ZNF195: variants seen among roughly 807,000 people sequenced by gnomAD.
The protein encoded by ZNF195 is zinc finger protein 195.
In ZNF195, 11 loss-of-function variants were observed where a neutral mutation model predicts 19.5. The ratio of observed to expected loss-of-function variants is 0.57; its 90% CI spans 0.36 to 0.94. The LOEUF (loss-of-function observed/expected upper bound fraction) is 0.94. Ranked by LOEUF, ZNF195 falls within the 40% of genes least tolerant of loss-of-function variation. ZNF195 has a pLI of 0.01. For synonymous variants in ZNF195, 214 were observed against 248.1 expected (o/e 0.86, Z 1.29); for missense variants, 582 against 709.0 (o/e 0.82, Z 2.03).
At position 3,360,308 on chromosome 11, in the gene ZNF195, G is replaced by A. The variant is rs184660103; in HGVS notation, c.700C>T (p.Arg234Cys). ...TTCTCTCCAGTATTACTTATATTAC[G>A]TCTATGTAAATTTGAAAAGTTATCA... ...IFDNFSNLHR[R>C]NISNTGEKPF... Residue 234 changes from arginine (R) to cysteine (C), a missense_variant, in exon 6 of 6, where the codon CGT (arginine) becomes TGT (cysteine). By Grantham distance (180) the Arg-to-Cys change is radical. This residue lies in a region of ZNF195 where 407 missense variants were observed against 530.5 expected (regional missense o/e 0.77). Coordinates refer to ENST00000399602, the MANE Select transcript of ZNF195 (RefSeq NM_001130520.3). 303 of 1,604,904 alleles carry A rather than the reference G, an allele frequency of 1.9e-4. No homozygotes were observed. The highest frequency in any genetic ancestry group is 2.4e-4 in the Non-Finnish European group (284 of 1,173,894).
At chr11:3,365,925 C>G (rs898187879) in intron 3 of ZNF195, among the ~76,000 whole-genome samples, 1 of 152,128 alleles carries the variant, frequency 6.6e-6, no homozygotes, top group African/African-American at 2.4e-5. Flanking sequence ...GGTATCTTTT[C>G]CTTGCACCAT....
rs1214495481 is a variant in ZNF195 at position 3,359,628 on chromosome 11, G to A, written c.1380C>T (p.His460=). 1 of 1,613,912 alleles carries A rather than the reference G, an allele frequency of 6.2e-7. No individual in the cohort carries two copies. The highest frequency in any genetic ancestry group is 2.2e-5 in the East Asian group (1 of 44,844). The change falls in exon 6 of 6, where the codon CAC becomes CAT. Residue 460 remains histidine (H), a synonymous_variant. Transcript: ENST00000399602. This position sits in a 1 kb window ranked among gnomAD's most constrained non-coding sequence, Gnocchi z 5.5. ...SSHLSEHRRI[H]TGEKPYQCEE... ...CACATTGGTAGGGTTTCTCTCCGGTGTGAATCCTCCTGTGTTCACTGAGGT... is the reference window on the plus strand; with the variant it reads ...CACATTGGTAGGGTTTCTCTCCGGTATGAATCCTCCTGTGTTCACTGAGGT...
chr11:3,364,245 G>C (rs889916494), intron 3 of ZNF195, among the ~76,000 whole-genome samples: 18 of 152,120 alleles, frequency 1.2e-4, no homozygotes, highest in Non-Finnish European at 1.5e-4. Flanking sequence ...AGGGTTGCTT[G>C]AGGTCAGGAG....
intron 3 of ZNF195, chr11:3,362,581 A>G: frequency 1.7e-6 from 1 of 601,084 alleles, no homozygotes. Context: ...TATAATTTCC[A>G]TGGTAACCAC....
chr11:3,374,207 T>C (rs1849348524), intron 1 of ZNF195, among the ~76,000 whole-genome samples: 1 of 152,218 alleles, frequency 6.6e-6, no homozygotes, highest in Non-Finnish European at 1.5e-5. Context: ...ATGAATCTTT[T>C]GGTAATTTTG....
At chr11:3,373,474 A>G (rs1849311687) in intron 1 of ZNF195, 3 of 903,442 alleles carry the variant, frequency 3.3e-6, no homozygotes, top group East Asian at 5.3e-5. Context: ...CAAACTTACT[A>G]TGGAGAAACA....
rs913310441 is a variant in ZNF195, at chr11:3,358,991, T to C, written c.*127A>G. The stretch of plus-strand genomic sequence containing the variant: ...CTCTTGTGTGCTCTGGAGACTTATA[T>C]TTCATGAAAGGTCTTTCAATAGTAA... On this transcript the variant is annotated 3_prime_UTR_variant, in exon 6 of 6. Coordinates refer to ENST00000399602, the MANE Select transcript of ZNF195 (RefSeq NM_001130520.3). 111 of 1,220,922 alleles carry C rather than the reference T, an allele frequency of 9.1e-5. No homozygotes were observed. Among genetic ancestry groups the C allele is most frequent in the Non-Finnish European group, 1.1e-4 (107 of 940,106 alleles). The allele number at this position is 1,220,922 out of a possible 1,614,324, so 75.6% of individuals were successfully genotyped here.
intron 3 of ZNF195, among the ~76,000 whole-genome samples, chr11:3,365,362 G>A (rs1848826001): frequency 6.6e-6 from 1 of 152,194 alleles, no homozygotes; most frequent in African/African-American, 2.4e-5. Context: ...AATACACATA[G>A]TGCATTGTGT....
chr11:3,378,891 G>A (rs1849608199), intron 1 of ZNF195, 147 bp downstream of exon 1: 6 of 1,043,480 alleles, frequency 5.7e-6, no homozygotes, highest in African/African-American at 1.7e-5. Flanking sequence ...CGGGGCGCGC[G>A]GGGCCCGGCC....
Position 3,379,095 on chromosome 11 carries a change from G to T in ZNF195, c.-55C>A. 6.8e-7 allele frequency: 1 copy of T among 1,478,492 alleles called. No individual in the cohort carries two copies. The highest frequency in any genetic ancestry group is 1.4e-5 in the African/African-American group (1 of 70,306). 91.6% of individuals were successfully genotyped at this position (1,478,492 alleles called of 1,614,324 possible). A position where few individuals can be genotyped will look rare whatever the true frequency, so the allele number is the denominator to read the frequency against. On this transcript the variant is annotated 5_prime_UTR_variant, in exon 1 of 6. Transcript: ENST00000399602. Reference sequence around the variant, plus strand: ...ACTTCTGGATCTCCCGGTGCCTGCGGGTCACACGACCTACGGCTAGCAGGG... The same window carrying T: ...ACTTCTGGATCTCCCGGTGCCTGCGTGTCACACGACCTACGGCTAGCAGGG...
At position 3,358,849 on chromosome 11, in the gene ZNF195, A is replaced by G. The variant is rs1412034257; in HGVS notation, c.*269T>C. 5.5e-6 allele frequency: 2 copies of G among 364,366 alleles called. No individual in the cohort carries two copies. The highest frequency in any genetic ancestry group is 4.2e-5 in the African/African-American group (2 of 47,648). The allele number at this position is 364,366 out of a possible 1,614,324, so 22.6% of individuals were successfully genotyped here. The stretch of plus-strand genomic sequence containing the variant: ...TTTTCTAAGCTATCATTTTTGAACA[A>G]ATGTTATTCCACATTTATGAGATTT... On this transcript the variant is annotated 3_prime_UTR_variant, in exon 6 of 6. Coordinates refer to ENST00000399602, the MANE Select transcript of ZNF195 (RefSeq NM_001130520.3).
At chr11:3,366,778 G>A (rs546691631) in intron 3 of ZNF195, 6 of 304,050 alleles carry the variant, frequency 2.0e-5, no homozygotes, top group African/African-American at 1.3e-4. Context: ...GCATAGGCCG[G>A]GCACACTGGT....
chr11:3,359,415 A>G lies in ZNF195; in HGVS notation c.1593T>C (p.Phe531=), dbSNP rs753910816. ...PYKCDECGKN[F]TQSSNLIVHK... ...GTACAATAAGGTTGGAGGACTGGGT[A>G]AAGTTTTTTCCACATTCGTCACATT... The change falls in exon 6 of 6, where the codon TTT becomes TTC. Residue 531 remains phenylalanine (F), a synonymous_variant. Transcript: ENST00000399602. This position sits in a 1 kb window ranked among gnomAD's most constrained non-coding sequence, Gnocchi z 5.5. 1.9e-6 allele frequency: 3 copies of G among 1,614,172 alleles called. No homozygotes were observed. Among genetic ancestry groups the G allele is most frequent in the Admixed American group, 1.7e-5 (1 of 60,030 alleles).
At position 3,359,794 on chromosome 11, in the gene ZNF195, A is replaced by G. The variant is rs746025928; in HGVS notation, c.1214T>C (p.Ile405Thr). 4.3e-6 allele frequency: 7 copies of G among 1,613,854 alleles called. No homozygotes were observed. The highest frequency in any genetic ancestry group is 1.1e-5 in the South Asian group (1 of 91,074). ...PNPSKHQRNE[I>T]GGKPFKCEEC... ...CTCACATTTGAAAGGTTTCCCTCCA[A>G]TCTCATTTCTCTGGTGTTTGGAAGG... The change falls in exon 6 of 6, where the codon ATT becomes ACT. Residue 405 changes from isoleucine to threonine, a missense_variant. Coordinates refer to ENST00000399602, the MANE Select transcript of ZNF195 (RefSeq NM_001130520.3). The surrounding 1 kb of genome is among the most constrained non-coding windows in gnomAD (Gnocchi z 5.5).
Position 3,359,629 on chromosome 11 carries a change from TG to T in ZNF195, c.1378del (p.His460ThrfsTer162). 1 of 1,614,140 alleles carries T rather than the reference TG, an allele frequency of 6.2e-7. No individual in the cohort carries two copies. Among genetic ancestry groups the T allele is most frequent in the Non-Finnish European group, 8.5e-7 (1 of 1,180,024 alleles). The stretch of plus-strand genomic sequence containing the variant: ...ACATTGGTAGGGTTTCTCTCCGGTG[TG>T]AATCCTCCTGTGTTCACTGAGGTGT... The part of the protein sequence containing the change: ...SSHLSEHRRI[H>X]TGEKPYQCEE... On this transcript the variant is annotated frameshift_variant, in exon 6 of 6. Coordinates refer to ENST00000399602, the MANE Select transcript of ZNF195 (RefSeq NM_001130520.3). LOFTEE classifies it low-confidence loss of function (END_TRUNC). The surrounding 1 kb of genome is among the most constrained non-coding windows in gnomAD (Gnocchi z 5.5).
At chr11:3,361,587 GAAA>G (rs1198798848) in intron 4 of ZNF195, among the ~76,000 whole-genome samples, 153 bp downstream of exon 4, 1 of 151,844 alleles carries the variant, frequency 6.6e-6, no homozygotes, top group Non-Finnish European at 1.5e-5. Context: ...TCAAAAGTAA[GAAA>G]AAAATACAAA....
chr11:3,375,242 T>G (rs1404956586), intron 1 of ZNF195, among the ~76,000 whole-genome samples: 1 of 152,162 alleles, frequency 6.6e-6, no homozygotes, highest in Non-Finnish European at 1.5e-5. Flanking sequence ...GTATTTACAA[T>G]TCTGTTTTTC....
intron 3 of ZNF195, among the ~76,000 whole-genome samples, chr11:3,363,921 A>G (rs1260847081): frequency 6.6e-6 from 1 of 152,254 alleles, no homozygotes; most frequent in African/African-American, 2.4e-5. Context: ...ATTGAACACT[A>G]TGATCTAAAC....
intron 1 of ZNF195, among the ~76,000 whole-genome samples, chr11:3,373,911 G>A (rs1849332711): frequency 6.6e-6 from 1 of 152,204 alleles, no homozygotes; most frequent in Non-Finnish European, 1.5e-5. Context: ...GCACTGAGCT[G>A]GCCTCTGAAA....
Sources: allele counts gnomAD v4.1 joint callset (sites outside exome capture counted in the v4.1 genomes callset), GRCh38; gene constraint gnomAD v4.1.1; regional missense constraint gnomAD v4.1.1; non-coding constraint Gnocchi (gnomAD v3.1); transcripts MANE v1.5; gene names NCBI Gene and HGNC (gene_info 2026-07-23, HGNC 2026-07-21).